ANKRD6: variants seen among roughly 807,000 people sequenced by gnomAD.
The protein encoded by ANKRD6 is ankyrin repeat domain 6, also known as ankyrin repeat domain-containing protein 6.
Under a neutral mutation model 82.3 loss-of-function variants are expected in ANKRD6, and 56 were observed. The observed-to-expected ratio is 0.68, with a 90% confidence interval of 0.55 to 0.85. The LOEUF is 0.85. Among genes scored for constraint, ANKRD6 ranks in the 40% least tolerant of loss-of-function variants. The pLI, the probability that ANKRD6 is intolerant of heterozygous loss-of-function variation, is 0.00. For missense variants in ANKRD6, 852 were observed against 907.6 expected, an observed-to-expected ratio of 0.94 and a Z score of 0.79; for synonymous variants, 347 against 352.1, an observed-to-expected ratio of 0.99 and a Z score of 0.16.
chr6:89,560,241 T>C (rs1787199415), intron 1 of ANKRD6, among the ~76,000 whole-genome samples: 1 of 152,220 alleles, frequency 6.6e-6, no homozygotes. Flanking sequence ...CCAGTTCTTC[T>C]GGCTAGAAGT....
intron 3 of ANKRD6, among the ~76,000 whole-genome samples, chr6:89,600,162 T>C (rs1029869896): frequency 6.6e-6 from 1 of 152,214 alleles, no homozygotes; most frequent in Non-Finnish European, 1.5e-5. Context: ...GCTGCTTGCA[T>C]TGAGCTAGAG....
intron 4 of ANKRD6, among the ~76,000 whole-genome samples, chr6:89,605,237 C>G (rs750654833): frequency 1.3e-5 from 2 of 152,094 alleles, no homozygotes; most frequent in African/African-American, 4.8e-5. Context: ...CAAAAATTAG[C>G]AAGGCATAGT....
intron 2 of ANKRD6, among the ~76,000 whole-genome samples, chr6:89,577,824 A>G (rs778629996): frequency 6.6e-6 from 1 of 152,232 alleles, no homozygotes; most frequent in Non-Finnish European, 1.5e-5. Context: ...CTCAAAAAAC[A>G]AAACAACAAA....
chr6:89,546,958 C>A (rs866174789), intron 1 of ANKRD6, among the ~76,000 whole-genome samples: 3 of 151,792 alleles, frequency 2.0e-5, no homozygotes, highest in African/African-American at 4.8e-5. Flanking sequence ...TAAGAAACCT[C>A]ATTTTTTATT....
chr6:89,536,716 T>C (rs1459482535), intron 1 of ANKRD6, among the ~76,000 whole-genome samples: 1 of 152,218 alleles, frequency 6.6e-6, no homozygotes, highest in Non-Finnish European at 1.5e-5. Flanking sequence ...CTTCATATTA[T>C]CTAGGGAGAA....
intron 1 of ANKRD6, among the ~76,000 whole-genome samples, chr6:89,444,538 G>C (rs528699694): frequency 6.6e-6 from 1 of 152,244 alleles, no homozygotes; most frequent in South Asian, 2.1e-4. Context: ...GTATAAGCCA[G>C]GATATATTGT....
chr6:89,602,321 A>G (rs1797385981), intron 3 of ANKRD6: 1 of 152,186 alleles, frequency 6.6e-6, no homozygotes, highest in Non-Finnish European at 1.5e-5. Context: ...CTCAACTGCA[A>G]TTAGGAAGAG....
rs565148629 is a variant in ANKRD6, at chr6:89,463,530, A to T, written c.-144+30155A>T. On this transcript the variant is annotated intron_variant, in intron 1 of 15. Coordinates refer to ENST00000339746, the MANE Select transcript of ANKRD6 (RefSeq NM_001242809.2). The stretch of plus-strand genomic sequence containing the variant: ...TCAAATAATTATATTTTAACACAGT[A>T]TTTCATCAAGTTGGAGACCTTATAA... Among the ~76,000 whole-genome samples the T allele has an allele frequency of 3.9e-5, 6 of 152,282 alleles. No homozygotes were observed. The East Asian group carries it at 1.2e-3, about 29-fold the overall frequency.
At chr6:89,461,969 C>T (rs1035502267) in intron 1 of ANKRD6, among the ~76,000 whole-genome samples, 4 of 152,108 alleles carry the variant, frequency 2.6e-5, no homozygotes, top group South Asian at 2.1e-4. Context: ...CAGTGGCTCA[C>T]GCTTGTAATC....
At chr6:89,512,911 T>C (rs1161809565) in intron 1 of ANKRD6, among the ~76,000 whole-genome samples, 8 of 151,962 alleles carry the variant, frequency 5.3e-5, no homozygotes, top group Non-Finnish European at 7.4e-5. Context: ...TTCTTTTTCC[T>C]TTTTTTCTTT....
chr6:89,558,668 T>C (rs148312152), intron 1 of ANKRD6, among the ~76,000 whole-genome samples: 4 of 152,246 alleles, frequency 2.6e-5, no homozygotes, highest in Admixed American at 2.6e-4. Context: ...TATTCATTTG[T>C]CAAAACCCAT....
At chr6:89,512,009 G>A (rs150967378) in intron 1 of ANKRD6, among the ~76,000 whole-genome samples, 9 of 152,024 alleles carry the variant, frequency 5.9e-5, no homozygotes, top group African/African-American at 1.9e-4. Flanking sequence ...GAACTCCTGG[G>A]CTTAGGTGAT....
chr6:89,521,750 A>T (rs913997783), intron 1 of ANKRD6, among the ~76,000 whole-genome samples: 2 of 151,794 alleles, frequency 1.3e-5, no homozygotes, highest in Admixed American at 1.3e-4. Flanking sequence ...CTTTGTAAAA[A>T]TTTTTTTCCT....
At chr6:89,497,720 G>T (rs1778802383) in intron 1 of ANKRD6, among the ~76,000 whole-genome samples, 3 of 151,760 alleles carry the variant, frequency 2.0e-5, no homozygotes, top group African/African-American at 7.3e-5. Context: ...GTTTTATTAA[G>T]GTATAATTTA....
chr6:89,456,912 A>C (rs1773572958), intron 1 of ANKRD6, among the ~76,000 whole-genome samples: 1 of 152,208 alleles, frequency 6.6e-6, no homozygotes, highest in African/African-American at 2.4e-5. Flanking sequence ...TCTCAATACA[A>C]TAAATCAGTC....
chr6:89,512,761 G>C (rs1332722841), intron 1 of ANKRD6, among the ~76,000 whole-genome samples: 1 of 152,212 alleles, frequency 6.6e-6, no homozygotes, highest in African/African-American at 2.4e-5. Flanking sequence ...ATTTTAATCA[G>C]ATACTGATTG....
At chr6:89,435,447 A>G (rs546005491) in intron 1 of ANKRD6, among the ~76,000 whole-genome samples, 2 of 152,338 alleles carry the variant, frequency 1.3e-5, no homozygotes, top group East Asian at 1.9e-4. Context: ...AAGTTTCCCA[A>G]CAAGCATTTC....
At chr6:89,601,200 A>G (rs1013677927) in intron 3 of ANKRD6, among the ~76,000 whole-genome samples, 1 of 152,086 alleles carries the variant, frequency 6.6e-6, no homozygotes, top group Admixed American at 6.6e-5. Flanking sequence ...AACCACTGCA[A>G]GGGTTCTCTT....
At chr6:89,437,994 T>C (rs1770863283) in intron 1 of ANKRD6, among the ~76,000 whole-genome samples, 1 of 152,098 alleles carries the variant, frequency 6.6e-6, no homozygotes. Flanking sequence ...GGGTTTCACC[T>C]TGTTGCCCAG....
Sources: allele counts gnomAD v4.1 joint callset (sites outside exome capture counted in the v4.1 genomes callset), GRCh38; gene constraint gnomAD v4.1.1; transcripts MANE v1.5; gene names NCBI Gene and HGNC (gene_info 2026-07-23, HGNC 2026-07-21).